KCTD16: variants seen among roughly 807,000 people sequenced by gnomAD.
The protein encoded by KCTD16 is BTB/POZ domain-containing protein KCTD16.
KCTD16 carries 13 observed loss-of-function variants against 33.2 expected under a neutral mutation model. The ratio of observed to expected loss-of-function variants is 0.39; its 90% CI spans 0.25 to 0.62. The LOEUF is 0.62. Ranked by LOEUF, KCTD16 falls within the 20% of genes least tolerant of loss-of-function variation. The pLI is 0.50. For synonymous variants in KCTD16, 197 were observed against 195.3 expected, an observed-to-expected ratio of 1.01 and a Z score of -0.07; for missense variants, 441 against 525.1, an observed-to-expected ratio of 0.84 and a Z score of 1.57.
At chr5:144,430,304 G>A (rs1158953207) in intron 3 of KCTD16, among the ~76,000 whole-genome samples, 2 of 152,098 alleles carry the variant, frequency 1.3e-5, no homozygotes, top group Non-Finnish European at 2.9e-5. Context: ...GGGAATTGCT[G>A]TCAAATCAAG....
In KCTD16 at chr5:144,244,679, G is replaced by A. The variant is rs541786257; in HGVS notation, c.832+37133G>A. On this transcript the variant is annotated intron_variant, in intron 3 of 3. Transcript: ENST00000512467. The stretch of plus-strand genomic sequence containing the variant: ...GGGATTGGAGAGATCTCTATTTTTA[G>A]ATATCTTTCCCAATGTACCTTCAAA... Among the ~76,000 whole-genome samples the A allele has an allele frequency of 2.0e-5, 3 of 152,216 alleles. No homozygotes were observed. The East Asian group carries it at 5.8e-4, about 29-fold the overall frequency.
At chr5:144,296,349 A>G (rs1369663217) in intron 3 of KCTD16, among the ~76,000 whole-genome samples, 1 of 152,228 alleles carries the variant, frequency 6.6e-6, no homozygotes, top group East Asian at 1.9e-4. Context: ...AACTACTGGA[A>G]TTGAAAGATT....
At chr5:144,344,282 T>A (rs1199619437) in intron 3 of KCTD16, among the ~76,000 whole-genome samples, 2 of 151,716 alleles carry the variant, frequency 1.3e-5, no homozygotes, top group Admixed American at 1.3e-4. Flanking sequence ...GCATTACCAT[T>A]CAGGACATAG....
chr5:144,361,114 C>G (rs1018714617), intron 3 of KCTD16, among the ~76,000 whole-genome samples: 1 of 137,818 alleles, frequency 7.3e-6, no homozygotes, highest in Non-Finnish European at 1.5e-5. Flanking sequence ...TCCATGTGTT[C>G]TCATTGTTCA....
At chr5:144,455,163 C>G (rs904364140) in intron 3 of KCTD16, among the ~76,000 whole-genome samples, 1 of 151,938 alleles carries the variant, frequency 6.6e-6, no homozygotes, top group Non-Finnish European at 1.5e-5. Context: ...TTTCCCCCAA[C>G]AGAGGCGCAT....
At chr5:144,188,828 CT>C (rs1182480448) in intron 2 of KCTD16, among the ~76,000 whole-genome samples, 4 of 152,176 alleles carry the variant, frequency 2.6e-5, no homozygotes, top group African/African-American at 4.8e-5. Flanking sequence ...CTCCCCTCCC[CT>C]GCCACAAAAA....
At chr5:144,345,376 G>A (rs1169082946) in intron 3 of KCTD16, among the ~76,000 whole-genome samples, 1 of 152,058 alleles carries the variant, frequency 6.6e-6, no homozygotes, top group Non-Finnish European at 1.5e-5. Flanking sequence ...TAAAAGTTTA[G>A]TTAGCAGAAA....
intron 3 of KCTD16, among the ~76,000 whole-genome samples, chr5:144,318,675 A>G (rs1269122136): frequency 6.6e-6 from 1 of 152,092 alleles, no homozygotes; most frequent in Non-Finnish European, 1.5e-5. Context: ...TGACCGCTAG[A>G]ACTTAAATGC....
chr5:144,195,346 A>G (rs536925540), intron 2 of KCTD16, among the ~76,000 whole-genome samples: 25 of 152,344 alleles, frequency 1.6e-4, no homozygotes, highest in South Asian at 4.1e-4. Flanking sequence ...CCAGGCAACA[A>G]ATGTCTGCTG....
At chr5:144,299,228 G>T (rs1310030518) in intron 3 of KCTD16, among the ~76,000 whole-genome samples, 2 of 134,510 alleles carry the variant, frequency 1.5e-5, no homozygotes, top group African/African-American at 5.4e-5. Flanking sequence ...CTAACACTTT[G>T]ACAAAAATCT....
chr5:144,320,771 T>C (rs1328268595), intron 3 of KCTD16, among the ~76,000 whole-genome samples: 1 of 149,884 alleles, frequency 6.7e-6, no homozygotes, highest in Admixed American at 6.7e-5. Context: ...TTTTTTTTTT[T>C]CACTTTTTCC....
At chr5:144,190,601 C>A (rs776236430) in intron 2 of KCTD16, among the ~76,000 whole-genome samples, 1 of 152,160 alleles carries the variant, frequency 6.6e-6, no homozygotes, top group African/African-American at 2.4e-5. Flanking sequence ...GTTCACCTGA[C>A]TGGAAAAAGC....
At chr5:144,349,810 G>T (rs1260571605) in intron 3 of KCTD16, among the ~76,000 whole-genome samples, 1 of 152,108 alleles carries the variant, frequency 6.6e-6, no homozygotes, top group Non-Finnish European at 1.5e-5. Context: ...ACATTCAACT[G>T]AAGTCCTGCT....
chr5:144,223,253 T>G (rs1387708194), intron 3 of KCTD16, among the ~76,000 whole-genome samples: 4 of 152,080 alleles, frequency 2.6e-5, no homozygotes, highest in African/African-American at 9.7e-5. Flanking sequence ...GTAACAAACC[T>G]GCACATTGTG....
intron 3 of KCTD16, among the ~76,000 whole-genome samples, chr5:144,334,202 G>C (rs1348777188): frequency 6.6e-6 from 1 of 152,134 alleles, no homozygotes; most frequent in Non-Finnish European, 1.5e-5. Context: ...TCCACTCAGA[G>C]TTGACATGAT....
chr5:144,420,600 AG>A (rs1319728205), intron 3 of KCTD16, among the ~76,000 whole-genome samples: 25 of 152,182 alleles, frequency 1.6e-4, no homozygotes, highest in African/African-American at 6.0e-4. Flanking sequence ...TTTTTTATAG[AG>A]GCTGAGGATT....
chr5:144,253,661 C>A (rs1422263487), intron 3 of KCTD16, among the ~76,000 whole-genome samples: 1 of 151,958 alleles, frequency 6.6e-6, no homozygotes, highest in Non-Finnish European at 1.5e-5. Flanking sequence ...TTTTGGGCAC[C>A]TTTCTGTATT....
At chr5:144,362,587 G>A (rs1250613440) in intron 3 of KCTD16, among the ~76,000 whole-genome samples, 2 of 152,010 alleles carry the variant, frequency 1.3e-5, no homozygotes, top group Non-Finnish European at 2.9e-5. Context: ...CCTCATCTGT[G>A]GACTGGGAAT....
chr5:144,346,318 A>G (rs1435886460), intron 3 of KCTD16, among the ~76,000 whole-genome samples: 2 of 152,198 alleles, frequency 1.3e-5, no homozygotes, highest in East Asian at 3.8e-4. Context: ...TAACAAACAC[A>G]GGAGTGCAGA....
Sources: allele counts gnomAD v4.1 joint callset (sites outside exome capture counted in the v4.1 genomes callset), GRCh38; gene constraint gnomAD v4.1.1; transcripts MANE v1.5; gene names NCBI Gene and HGNC (gene_info 2026-07-23, HGNC 2026-07-21).